Variants in AKAP1 observed in about 807,000 individuals in gnomAD.
AKAP1 encodes A-kinase anchor protein 1, mitochondrial.
A neutral mutation model predicts 79.8 loss-of-function variants in AKAP1; 32 were observed. The observed-to-expected ratio is 0.40, with a 90% CI of 0.30 to 0.54. AKAP1 has a LOEUF of 0.54. Ranked by LOEUF, AKAP1 falls within the 20% of genes least tolerant of loss-of-function variation. The pLI is 0.47. For synonymous variants in AKAP1, 416 were observed against 466.7 expected, an observed-to-expected ratio of 0.89 and a Z score of 1.40; for missense variants, 961 against 1,138.9, an observed-to-expected ratio of 0.84 and a Z score of 2.25.
Position 57,105,433 on chromosome 17 carries a change from C to T in AKAP1, c.-24-8C>T, listed in dbSNP as rs760684754. 2 of 1,594,514 alleles carry T rather than the reference C, an allele frequency of 1.3e-6. No homozygotes were observed. The highest frequency in any genetic ancestry group is 1.7e-6 in the Non-Finnish European group (2 of 1,171,478). ...CATCCCTCCTCCCCGCTCTCCTGCTCTCCCCAGGTGTAATTACTTCAAGCC... is the reference window on the plus strand; with the variant it reads ...CATCCCTCCTCCCCGCTCTCCTGCTTTCCCCAGGTGTAATTACTTCAAGCC... On this transcript the variant is annotated splice_region_variant and splice_polypyrimidine_tract_variant and intron_variant, in intron 1 of 10. Coordinates refer to ENST00000337714, the MANE Select transcript of AKAP1 (RefSeq NM_003488.4).
At position 57,111,869 on chromosome 17, in the gene AKAP1, G is replaced by T. The variant is rs1236706978; in HGVS notation, c.1920G>T (p.Lys640Asn). Residue 640 changes from lysine (K) to asparagine (N), a missense_variant, in exon 4 of 11, where the codon AAG (lysine) becomes AAT (asparagine). Physicochemically the swap from Lys to Asn is moderately conservative, Grantham distance 94. Transcript: ENST00000337714. ...TTCTGAAGCAAACATCTGGTGCCAA[G>T]ATCTACATTTCAACCCTGCCTTACA... ...VSFLKQTSGA[K>N]IYISTLPYTQ... The T allele has an allele frequency of 1.2e-6, 2 of 1,614,136 alleles. No individual in the cohort carries two copies. Among genetic ancestry groups the T allele is most frequent in the Non-Finnish European group, 1.7e-6 (2 of 1,180,030 alleles).
chr17:57,096,552 G>A (rs1295354803), intron 1 of AKAP1: 1 of 152,234 alleles, frequency 6.6e-6, no homozygotes, highest in Non-Finnish European at 1.5e-5. Context: ...GATCTCTAGG[G>A]TACCCACATG....
At position 57,116,176 on chromosome 17, in the gene AKAP1, T is replaced by G; in HGVS notation, c.2347T>G (p.Tyr783Asp). Reference protein sequence around the residue: ...AWWRAQVVASYEETNEVEIRY... With the variant: ...AWWRAQVVASDEETNEVEIRY... ...GTGGCGAGCCCAAGTGGTTGCCTCC[T>G]ACGAGGAGACCAACGAAGTGGAGAT... The change falls in exon 7 of 11, where the codon TAC (tyrosine) becomes GAC (aspartate). Residue 783 changes from tyrosine to aspartate, a missense_variant. Tyr to Asp is a radical substitution (Grantham distance 160, BLOSUM62 -3). Transcript: ENST00000337714. 6.2e-7 allele frequency: 1 copy of G among 1,614,162 alleles called. No homozygotes were observed. The highest frequency in any genetic ancestry group is 1.3e-5 in the African/African-American group (1 of 75,076).
At chr17:57,118,322 G>T in intron 8 of AKAP1, 59 bp from the exon 9 acceptor site, 1 of 1,521,960 alleles carries the variant, frequency 6.6e-7, no homozygotes, top group South Asian at 1.1e-5. Flanking sequence ...TTGTGTACAT[G>T]ACAAGGGTGC....
At position 57,120,456 on chromosome 17, in the gene AKAP1, C is replaced by A; in HGVS notation, c.*132C>A. 1.4e-6 allele frequency: 1 copy of A among 714,150 alleles called. No homozygotes were observed. Among genetic ancestry groups the A allele is most frequent in the Non-Finnish European group, 2.3e-6 (1 of 436,858 alleles). The allele number at this position is 714,150 out of a possible 1,614,324, so 44.2% of individuals were successfully genotyped here. On this transcript the variant is annotated 3_prime_UTR_variant, in exon 11 of 11. Coordinates refer to ENST00000337714, the MANE Select transcript of AKAP1 (RefSeq NM_003488.4). ...TCCTTTCTTTCTCCATACTGTAGTC[C>A]TATTGAGAAGACATTTCGTCTCTGA...
chr17:57,107,320 C>A, intron 2 of AKAP1, 142 bp downstream of exon 2: 1 of 1,156,546 alleles, frequency 8.6e-7, no homozygotes, highest in Non-Finnish European at 1.2e-6. Context: ...CTGCAGAGGT[C>A]TGGACACGGC....
chr17:57,101,080 G>A (rs1165187410), intron 1 of AKAP1, among the ~76,000 whole-genome samples: 1 of 152,216 alleles, frequency 6.6e-6, no homozygotes, highest in Non-Finnish European at 1.5e-5. Flanking sequence ...AACTAGAATA[G>A]GTGTAGGGAG....
At chr17:57,085,419 C>T (rs997309429) in intron 1 of AKAP1, 21 bp downstream of exon 1, 2 of 152,000 alleles carry the variant, frequency 1.3e-5, no homozygotes, top group Admixed American at 1.3e-4. Context: ...GGCAGCTGCG[C>T]CGGGGACCCC....
intron 1 of AKAP1, among the ~76,000 whole-genome samples, chr17:57,088,539 T>C (rs1207245629): frequency 3.3e-5 from 5 of 152,130 alleles, no homozygotes; most frequent in African/African-American, 1.2e-4. Flanking sequence ...CAAATTCAAA[T>C]TGAGGGGTAG....
intron 1 of AKAP1, among the ~76,000 whole-genome samples, chr17:57,091,228 G>A (rs1457548404): frequency 1.3e-5 from 2 of 152,184 alleles, no homozygotes; most frequent in East Asian, 1.9e-4. Flanking sequence ...AGAAAAGGCC[G>A]TGCTGCAAAT....
intron 3 of AKAP1, among the ~76,000 whole-genome samples, chr17:57,110,560 C>T (rs561981875): frequency 2.6e-5 from 4 of 152,162 alleles, no homozygotes; most frequent in Non-Finnish European, 2.9e-5. Context: ...AAGCATAAAT[C>T]CATATTTTAG....
rs1432215997 is a variant in AKAP1 at position 57,105,482 on chromosome 17, T to C, written c.18T>C (p.Arg6=). The C allele has an allele frequency of 6.2e-7, 1 of 1,614,012 alleles. No individual in the cohort carries two copies. The highest frequency in any genetic ancestry group is 8.5e-7 in the Non-Finnish European group (1 of 1,179,918). MAIQF[R]SLFPLALPGM... ...CCTCCAGGATGGCAATCCAGTTCCG[T>C]TCGCTCTTCCCCTTGGCATTGCCTG... Residue 6 remains arginine (R), a synonymous_variant, in exon 2 of 11, where the codon CGT becomes CGC. Transcript: ENST00000337714.
chr17:57,105,371 T>C, intron 1 of AKAP1, 70 bp from the exon 2 acceptor site: 4 of 1,443,168 alleles, frequency 2.8e-6, no homozygotes, highest in Non-Finnish European at 3.9e-6. Context: ...CTGTCTTGCA[T>C]GTGCGGTTGC....
intron 1 of AKAP1, among the ~76,000 whole-genome samples, chr17:57,101,908 T>C (rs1914538665): frequency 1.3e-5 from 2 of 152,232 alleles, no homozygotes; most frequent in Admixed American, 1.3e-4. Flanking sequence ...CACATGGTGG[T>C]CTGTACCTTT....
At chr17:57,117,478 A>C (rs3785487) in intron 8 of AKAP1, among the ~76,000 whole-genome samples, 9,598 of 152,096 alleles carry the variant, frequency 0.063, 444 homozygotes, top group Admixed American at 0.13. Context: ...AGGGTGGCGA[A>C]ATGGCAGCTG....
intron 1 of AKAP1, among the ~76,000 whole-genome samples, chr17:57,100,310 G>A (rs993924199): frequency 1.3e-5 from 2 of 152,156 alleles, no homozygotes; most frequent in Non-Finnish European, 2.9e-5. Context: ...ACCTGGCCAG[G>A]CGCGGTGGCT....
intron 3 of AKAP1, among the ~76,000 whole-genome samples, chr17:57,110,425 G>A (rs1453649699): frequency 6.6e-6 from 1 of 152,096 alleles, no homozygotes; most frequent in African/African-American, 2.4e-5. Flanking sequence ...CTCCCTTGGG[G>A]GTGGTTCTTG....
intron 1 of AKAP1, among the ~76,000 whole-genome samples, chr17:57,091,864 A>T (rs1463223460): frequency 3.3e-5 from 5 of 151,472 alleles, no homozygotes; most frequent in African/African-American, 7.3e-5. Flanking sequence ...AGTTAAAAAA[A>T]TTTTTTTTGT....
At chr17:57,117,072 C>T (rs1253814455) in intron 8 of AKAP1, 145 bp downstream of exon 8, 8 of 852,642 alleles carry the variant, frequency 9.4e-6, no homozygotes, top group African/African-American at 8.4e-5. Flanking sequence ...TAGGTCTGGG[C>T]TTAGGCCCAG....
Sources: allele counts gnomAD v4.1 joint callset (sites outside exome capture counted in the v4.1 genomes callset), GRCh38; gene constraint gnomAD v4.1.1; transcripts MANE v1.5; gene names NCBI Gene and HGNC (gene_info 2026-07-23, HGNC 2026-07-21).